The following FABP12 variants were observed in gnomAD, a reference collection of about 807,000 sequenced individuals.
FABP12 encodes the protein fatty acid binding protein 12.
A neutral mutation model predicts 13.7 loss-of-function variants in FABP12; 19 were observed. That is an observed-to-expected ratio of 1.39 (90% CI 0.97 to 2.04). FABP12 has a LOEUF of 2.04. FABP12 is among the 30% of genes most tolerant of loss of function. The pLI is 0.00. For missense variants in FABP12, 182 were observed against 164.2 expected (o/e 1.11, Z -0.59); for synonymous variants, 61 against 57.0 (o/e 1.07, Z -0.32).
At chr8:81,544,805 G>A (rs1182887061) in intron 1 of FABP12, among the ~76,000 whole-genome samples, 7 of 152,150 alleles carry the variant, frequency 4.6e-5, no homozygotes, top group Admixed American at 3.9e-4. Context: ...CAAAATAACT[G>A]CAGTGACCTG....
At chr8:81,544,995 A>G (rs1433260662) in intron 1 of FABP12, among the ~76,000 whole-genome samples, 1 of 152,196 alleles carries the variant, frequency 6.6e-6, no homozygotes, top group Non-Finnish European at 1.5e-5. Context: ...AAGTACTTAC[A>G]GAGTGTTTAG....
chr8:81,552,906 C>A (rs1250823639), intron 1 of FABP12, among the ~76,000 whole-genome samples: 4 of 152,052 alleles, frequency 2.6e-5, no homozygotes, highest in Admixed American at 6.6e-5. Flanking sequence ...CCAGGGGGAA[C>A]AATGGGACCA....
At chr8:81,573,678 T>C (rs544774618) in intron 1 of FABP12, among the ~76,000 whole-genome samples, 2 of 152,216 alleles carry the variant, frequency 1.3e-5, no homozygotes, top group South Asian at 4.1e-4. Context: ...TGGTTAGGTA[T>C]ATTCCCAAGT....
exon 3 of FABP12, chr8:81,529,590 T>C (rs772898406): frequency 1.2e-6 from 2 of 1,613,744 alleles, no homozygotes; most frequent in Non-Finnish European, 1.7e-6. Flanking sequence ...CGGCCCAGTT[T>C]CCTGCTGGCT....
intron 1 of FABP12, among the ~76,000 whole-genome samples, chr8:81,558,546 T>A (rs925734134): frequency 6.6e-6 from 1 of 152,106 alleles, no homozygotes; most frequent in East Asian, 1.9e-4. Flanking sequence ...GCAAAACCCA[T>A]GTGCCCTCAG....
chr8:81,540,402 G>A (rs946292234), intron 1 of FABP12, among the ~76,000 whole-genome samples: 1 of 152,216 alleles, frequency 6.6e-6, no homozygotes, highest in Non-Finnish European at 1.5e-5. Flanking sequence ...TATCCCCAGT[G>A]TAAAGTCATG....
intron 1 of FABP12, among the ~76,000 whole-genome samples, chr8:81,582,684 C>T (rs1018704044): frequency 4.6e-5 from 7 of 151,960 alleles, no homozygotes; most frequent in Non-Finnish European, 1.0e-4. Context: ...ATGCACCATG[C>T]ACTGAGGATC....
chr8:81,564,406 G>A (rs1262804753), intron 1 of FABP12, among the ~76,000 whole-genome samples: 4 of 152,018 alleles, frequency 2.6e-5, no homozygotes, highest in Non-Finnish European at 5.9e-5. Flanking sequence ...ATTGTGGAGT[G>A]TAAACTGATA....
chr8:81,551,119 T>G (rs1242529651), intron 1 of FABP12, among the ~76,000 whole-genome samples: 1 of 152,112 alleles, frequency 6.6e-6, no homozygotes, highest in Non-Finnish European at 1.5e-5. Context: ...ATTTAATCAT[T>G]ATATATATTT....
At chr8:81,574,924 A>AT (rs200754597) in intron 1 of FABP12, among the ~76,000 whole-genome samples, 3,638 of 141,080 alleles carry the variant, frequency 0.026, 119 homozygotes, top group African/African-American at 0.078. Flanking sequence ...TATCTTTTGT[A>AT]TTTTTTTTTT....
intron 1 of FABP12, among the ~76,000 whole-genome samples, chr8:81,551,146 A>C (rs1203412415): frequency 2.0e-5 from 3 of 152,152 alleles, no homozygotes; most frequent in Non-Finnish European, 4.4e-5. Context: ...TGGGCTACAG[A>C]AATGGTCTTT....
At chr8:81,552,492 C>G (rs1385593865) in intron 1 of FABP12, among the ~76,000 whole-genome samples, 1 of 152,102 alleles carries the variant, frequency 6.6e-6, no homozygotes, top group African/African-American at 2.4e-5. Context: ...CATGTTCACT[C>G]AGGCTACTGG....
At chr8:81,586,724 AT>A (rs1810244805) in intron 1 of FABP12, among the ~76,000 whole-genome samples, 1 of 151,614 alleles carries the variant, frequency 6.6e-6, no homozygotes, top group South Asian at 2.1e-4. Flanking sequence ...GTTTGCAAAT[AT>A]TTTTCTCATT....
At chr8:81,558,581 G>A (rs913070728) in intron 1 of FABP12, among the ~76,000 whole-genome samples, 1 of 152,064 alleles carries the variant, frequency 6.6e-6, no homozygotes, top group African/African-American at 2.4e-5. Context: ...AGATACTCTT[G>A]GCATTTAAGT....
intron 1 of FABP12, among the ~76,000 whole-genome samples, chr8:81,544,252 C>T (rs772226434): frequency 7.2e-5 from 11 of 152,274 alleles, no homozygotes; most frequent in African/African-American, 2.4e-4. Flanking sequence ...TCTTTAGAAG[C>T]TCTGGAGGGT....
chr8:81,560,309 G>A (rs1430439847), intron 1 of FABP12, among the ~76,000 whole-genome samples: 1 of 152,160 alleles, frequency 6.6e-6, no homozygotes, highest in Non-Finnish European at 1.5e-5. Flanking sequence ...ACAGGATTTG[G>A]AGAGACTCAC....
At chr8:81,572,942 CTTAGT>C (rs1809963819) in intron 1 of FABP12, among the ~76,000 whole-genome samples, 1 of 148,380 alleles carries the variant, frequency 6.7e-6, no homozygotes, top group African/African-American at 2.4e-5. Flanking sequence ...TGCAAAACTC[CTTAGT>C]TTAATTAGGT....
At chr8:81,568,831 A>C (rs7012699) in intron 1 of FABP12, among the ~76,000 whole-genome samples, 4,032 of 152,286 alleles carry the variant, frequency 0.026, 172 homozygotes, top group African/African-American at 0.093. Flanking sequence ...AGTAGAGTAC[A>C]TTATGTTAAG....
At chr8:81,589,764 C>T (rs894708563) in intron 1 of FABP12, among the ~76,000 whole-genome samples, 33 of 152,312 alleles carry the variant, frequency 2.2e-4, no homozygotes, top group African/African-American at 7.9e-4. Flanking sequence ...GCCTTTTCCC[C>T]TCTGTGCAGG....
Sources: gnomAD v4.1 joint callset for allele counts (sites outside exome capture counted in the v4.1 genomes callset) on GRCh38, gnomAD v4.1.1 for gene constraint, MANE v1.5 for transcripts, NCBI Gene and HGNC (gene_info 2026-07-23, HGNC 2026-07-21) for gene names.